TRPC3: variants seen among roughly 807,000 people sequenced by gnomAD.
TRPC3 encodes the protein transient receptor potential cation channel subfamily C member 3.
Under a neutral mutation model 90.9 loss-of-function variants are expected in TRPC3, and 54 were observed. The ratio of observed to expected loss-of-function variants is 0.59; its 90% confidence interval spans 0.48 to 0.75. The LOEUF is 0.75. TRPC3 is among the 30% of genes least tolerant of loss of function. The probability of loss-of-function intolerance (pLI) is 0.00; values close to 1 mark genes in which losing one functional copy is unlikely to be tolerated. For synonymous variants in TRPC3, 424 were observed against 450.9 expected (o/e 0.94, Z 0.75); for missense variants, 918 against 1,194.5 (o/e 0.77, Z 3.41).
At chr4:121,938,252 C>T (rs1222408002) in intron 1 of TRPC3, among the ~76,000 whole-genome samples, 1 of 152,122 alleles carries the variant, frequency 6.6e-6, no homozygotes, top group Non-Finnish European at 1.5e-5. Context: ...TGGTCTATCA[C>T]CTGGTTACTC....
At chr4:121,941,276 C>A (rs75842435) in intron 1 of TRPC3, among the ~76,000 whole-genome samples, 3,123 of 152,244 alleles carry the variant, frequency 0.021, 100 homozygotes, top group African/African-American at 0.071. Flanking sequence ...TAAAGATTAA[C>A]CAACTATTCA....
At chr4:121,940,120 G>T (rs1350672625) in intron 1 of TRPC3, among the ~76,000 whole-genome samples, 1 of 152,180 alleles carries the variant, frequency 6.6e-6, no homozygotes, top group Non-Finnish European at 1.5e-5. Flanking sequence ...AAGATTGGGG[G>T]ACAAGAATCA....
At chr4:121,884,373 T>C (rs1728038874) in intron 10 of TRPC3, among the ~76,000 whole-genome samples, 1 of 152,102 alleles carries the variant, frequency 6.6e-6, no homozygotes, top group Non-Finnish European at 1.5e-5. Context: ...TGCATATAAG[T>C]AGAGGCAATG....
In TRPC3 at chr4:121,902,843, G is replaced by A. The variant is rs199601745; in HGVS notation, c.2463+9C>T. On this transcript the variant is annotated intron_variant, in intron 9 of 11. Transcript: ENST00000379645. ...TATTTTAAGGTCTTGGTAAGTTTTCGATACCTACCCTGGACTTTGAGTTAC... is the reference window on the plus strand; with the variant it reads ...TATTTTAAGGTCTTGGTAAGTTTTCAATACCTACCCTGGACTTTGAGTTAC... 1.8e-5 allele frequency: 29 copies of A among 1,571,622 alleles called. No individual in the cohort carries two copies. In the Admixed American group the frequency reaches 2.6e-4, roughly 14 times the overall value.
At chr4:121,907,834 G>A (rs1174932428) in intron 6 of TRPC3, among the ~76,000 whole-genome samples, 1 of 152,058 alleles carries the variant, frequency 6.6e-6, no homozygotes, top group African/African-American at 2.4e-5. Flanking sequence ...TACAAAACAT[G>A]GAGAGGTTAA....
intron 1 of TRPC3, among the ~76,000 whole-genome samples, chr4:121,945,342 T>C (rs1730446512): frequency 6.6e-6 from 1 of 152,200 alleles, no homozygotes; most frequent in Admixed American, 6.5e-5. Flanking sequence ...CTTCTCCTTT[T>C]CAAAATTACC....
At chr4:121,939,584 G>A (rs1730235957) in intron 1 of TRPC3, among the ~76,000 whole-genome samples, 1 of 152,220 alleles carries the variant, frequency 6.6e-6, no homozygotes, top group Non-Finnish European at 1.5e-5. Context: ...AATGATATGG[G>A]AAAAGCAAAG....
At chr4:121,920,531 A>AC (rs1729466366) in intron 3 of TRPC3, among the ~76,000 whole-genome samples, 3 of 152,148 alleles carry the variant, frequency 2.0e-5, no homozygotes. Context: ...TTCAAAAAAA[A>AC]GAAAAAAAAA....
intron 10 of TRPC3, among the ~76,000 whole-genome samples, chr4:121,895,671 G>T (rs931439786): frequency 6.6e-6 from 1 of 151,794 alleles, no homozygotes. Context: ...CCAAAAACAG[G>T]TAACAAGATT....
chr4:121,939,607 C>A (rs1247992811), intron 1 of TRPC3, among the ~76,000 whole-genome samples: 1 of 152,242 alleles, frequency 6.6e-6, no homozygotes, highest in Non-Finnish European at 1.5e-5. Flanking sequence ...CTTTCTCAAG[C>A]CACCCTCAGC....
chr4:121,895,003 C>A (rs1728470762), intron 10 of TRPC3, among the ~76,000 whole-genome samples: 1 of 151,984 alleles, frequency 6.6e-6, no homozygotes, highest in Non-Finnish European at 1.5e-5. Context: ...GACATCATAA[C>A]AAAAGGCACA....
At chr4:121,918,787 A>G (rs1333638992) in intron 3 of TRPC3, among the ~76,000 whole-genome samples, 1 of 152,266 alleles carries the variant, frequency 6.6e-6, no homozygotes, top group Admixed American at 6.5e-5. Flanking sequence ...TAATGCAAGT[A>G]CACAAGGAGC....
At position 121,932,849 on chromosome 4, in the gene TRPC3, T is replaced by C. The variant is rs1729997034; in HGVS notation, c.409A>G (p.Thr137Ala). 2 of 1,612,828 alleles carry C rather than the reference T, an allele frequency of 1.2e-6. No individual in the cohort carries two copies. The highest frequency in any genetic ancestry group is 1.7e-6 in the Non-Finnish European group (2 of 1,179,168). Residue 137 changes from threonine (T) to alanine (A), a missense_variant, in exon 2 of 12, where the codon ACG becomes GCG. By Grantham distance (58) the Thr-to-Ala change is moderately conservative. Coordinates refer to ENST00000379645, the MANE Select transcript of TRPC3 (RefSeq NM_001130698.2). This position sits in a 1 kb window ranked among gnomAD's most constrained non-coding sequence, Gnocchi z 7.7. Reference protein sequence around the residue: ...VVRKMLEESKTLNVNCVDYMG... With the variant: ...VVRKMLEESKALNVNCVDYMG... ...TAGTCCACGCAGTTGACGTTCAGCG[T>C]CTTGGACTCCTCCAGCATCTTGCGC... is the stretch of plus-strand genomic sequence containing the variant.
rs199543039 is a variant in TRPC3 at position 121,904,445 on chromosome 4, T to G, written c.2130A>C (p.Lys710Asn). The G allele has an allele frequency of 6.2e-7, 1 of 1,605,856 alleles. No homozygotes were observed. The highest frequency in any genetic ancestry group is 8.5e-7 in the Non-Finnish European group (1 of 1,177,372). The change falls in exon 8 of 12, where the codon AAA becomes AAC. Residue 710 changes from lysine to asparagine, a missense_variant. Lys to Asn is a moderately conservative substitution (Grantham distance 94). Coordinates refer to ENST00000379645, the MANE Select transcript of TRPC3 (RefSeq NM_001130698.2). Reference protein sequence around the residue: ...GLSEVTSVVLKYDHKFIENIG... With the variant: ...GLSEVTSVVLNYDHKFIENIG... ...TATTTTCTATGAATTTGTGATCATA[T>G]TTGAGCACAACGGAAGTCACTTCAG...
Position 121,879,727 on chromosome 4 carries a change from G to T in TRPC3, c.*9C>A. 1.9e-6 allele frequency: 3 copies of T among 1,600,450 alleles called. No individual in the cohort carries two copies. The highest frequency in any genetic ancestry group is 2.3e-5 in the South Asian group (2 of 87,660). ...GTGCTATAGTCAAAGCCAAATCCAG[G>T]TTGCTGCATCATTCACATCTCAGCA... On this transcript the variant is annotated 3_prime_UTR_variant, in exon 12 of 12. Transcript: ENST00000379645.
intron 1 of TRPC3, among the ~76,000 whole-genome samples, chr4:121,940,418 T>C (rs1730268407): frequency 6.6e-6 from 1 of 152,212 alleles, no homozygotes; most frequent in Non-Finnish European, 1.5e-5. Flanking sequence ...GAGACAGACT[T>C]TTGTTGCAGG....
chr4:121,910,078 A>T lies in TRPC3; in HGVS notation c.1792+76T>A, dbSNP rs534096046. On this transcript the variant is annotated intron_variant, in intron 6 of 11. Transcript: ENST00000379645. ...ACACCTCTCATACTAAACATACTCC[A>T]ATTGGCATTTCCTTCCAAAATGTGG... 23 of 1,117,552 alleles carry T rather than the reference A, an allele frequency of 2.1e-5. No homozygotes were observed. The East Asian group carries it at 5.2e-4, about 25-fold the overall frequency. 69.2% of individuals were successfully genotyped at this position (1,117,552 alleles called of 1,614,324 possible). A position where few individuals can be genotyped will look rare whatever the true frequency, so the allele number is the denominator to read the frequency against.
intron 10 of TRPC3, among the ~76,000 whole-genome samples, chr4:121,890,251 C>T (rs1041825454): frequency 6.6e-6 from 1 of 151,990 alleles, no homozygotes; most frequent in East Asian, 1.9e-4. Flanking sequence ...TGTTACAGGG[C>T]ACAGTAGGGG....
chr4:121,934,516 T>G (rs1177538644), intron 1 of TRPC3, among the ~76,000 whole-genome samples: 1 of 152,228 alleles, frequency 6.6e-6, no homozygotes, highest in Non-Finnish European at 1.5e-5. Context: ...CATTACTGAC[T>G]TTTGAAGCAA....
Sources: gnomAD v4.1 joint callset for allele counts (sites outside exome capture counted in the v4.1 genomes callset) on GRCh38, gnomAD v4.1.1 for gene constraint, Gnocchi (gnomAD v3.1) non-coding constraint, MANE v1.5 for transcripts, NCBI Gene and HGNC (gene_info 2026-07-23, HGNC 2026-07-21) for gene names.